LRRC8D: variants seen among roughly 807,000 people sequenced by gnomAD.
The protein encoded by LRRC8D is volume-regulated anion channel subunit LRRC8D.
Under a neutral mutation model 55.8 loss-of-function variants are expected in LRRC8D, and 20 were observed. The ratio of observed to expected loss-of-function variants is 0.36; its 90% confidence interval spans 0.25 to 0.52. The LOEUF (loss-of-function observed/expected upper bound fraction) is 0.52, where lower values mean the gene tolerates loss of function less well. Among genes scored for constraint, LRRC8D ranks in the 20% least tolerant of loss-of-function variants. LRRC8D has a pLI of 0.93. For missense variants in LRRC8D, 651 were observed against 1,030.8 expected, an observed-to-expected ratio of 0.63 and a Z score of 5.05; for synonymous variants, 352 against 377.0, an observed-to-expected ratio of 0.93 and a Z score of 0.77.
Position 89,934,247 on chromosome 1 carries a change from G to A in LRRC8D, c.1179G>A (p.Lys393=), listed in dbSNP as rs1302085636. The part of the protein sequence containing the change: ...TLFWLFRIPL[K]EYSFEKVREE... ...TCTGGTTATTCAGGATACCTTTGAA[G>A]GAATATTCTTTCGAAAAAGTCAGAG... The change falls in exon 3 of 3, where the codon AAG becomes AAA. Residue 393 remains lysine (K), a synonymous_variant. Transcript: ENST00000337338. The surrounding 1 kb of genome is among the most constrained non-coding windows in gnomAD (Gnocchi z 5.9). 6.2e-7 allele frequency: 1 copy of A among 1,614,122 alleles called. No homozygotes were observed. Among genetic ancestry groups the A allele is most frequent in the Non-Finnish European group, 8.5e-7 (1 of 1,180,008 alleles).
intron 2 of LRRC8D, among the ~76,000 whole-genome samples, chr1:89,902,235 A>T (rs912506933): frequency 2.6e-5 from 4 of 152,266 alleles, no homozygotes; most frequent in Non-Finnish European, 5.9e-5. Flanking sequence ...AGGGACCTTG[A>T]AGAGAAGATG....
chr1:89,896,299 A>T (rs952627551), intron 2 of LRRC8D, among the ~76,000 whole-genome samples: 11 of 152,126 alleles, frequency 7.2e-5, no homozygotes, highest in African/African-American at 2.2e-4. Flanking sequence ...GAGGGGTCGT[A>T]AACTTTGGTT....
In LRRC8D at chr1:89,829,542, T is replaced by C. The variant is rs550201143; in HGVS notation, c.-148+8251T>C. 2.0e-5 allele frequency among the ~76,000 whole-genome samples: 3 copies of C among 152,336 alleles called. No homozygotes were observed. The East Asian group carries it at 5.8e-4, about 29-fold the overall frequency. On this transcript the variant is annotated intron_variant, in intron 1 of 2. Coordinates refer to ENST00000337338, the MANE Select transcript of LRRC8D (RefSeq NM_001134479.2). ...CTATTCTCTTATCTACTGTACCCTTTCTCATTTCTGCACATTTCTTTGTAT... is the reference window on the plus strand; with the variant it reads ...CTATTCTCTTATCTACTGTACCCTTCCTCATTTCTGCACATTTCTTTGTAT...
Position 89,934,855 on chromosome 1 carries a change from A to C in LRRC8D, c.1787A>C (p.Lys596Thr). The change falls in exon 3 of 3, where the codon AAG (lysine) becomes ACG (threonine). Residue 596 changes from lysine to threonine, a missense_variant. Lys to Thr is a moderately conservative substitution (Grantham distance 78, BLOSUM62 -1). Around this residue, in one of 5 missense-constraint regions of LRRC8D, gnomAD observed 338 missense variants for 479.4 expected, o/e 0.71. Transcript: ENST00000337338. The surrounding 1 kb of genome is among the most constrained non-coding windows in gnomAD (Gnocchi z 5.9). Reference protein sequence around the residue: ...ELRHLKILHVKSNLTKVPSNI... With the variant: ...ELRHLKILHVTSNLTKVPSNI... ...CGGCACCTTAAGATTCTCCACGTGAAGAGCAATTTGACCAAAGTTCCCTCC... is the reference window on the plus strand; with the variant it reads ...CGGCACCTTAAGATTCTCCACGTGACGAGCAATTTGACCAAAGTTCCCTCC... 6.2e-7 allele frequency: 1 copy of C among 1,614,180 alleles called. No individual in the cohort carries two copies. The highest frequency in any genetic ancestry group is 2.2e-5 in the East Asian group (1 of 44,884).
intron 2 of LRRC8D, among the ~76,000 whole-genome samples, chr1:89,868,211 T>A (rs1661901038): frequency 6.6e-6 from 1 of 152,216 alleles, no homozygotes; most frequent in Admixed American, 6.5e-5. Flanking sequence ...GTTTGGTGTC[T>A]GGCACAAAAT....
chr1:89,876,789 A>G (rs911936791), intron 2 of LRRC8D, among the ~76,000 whole-genome samples: 1 of 152,220 alleles, frequency 6.6e-6, no homozygotes, highest in African/African-American at 2.4e-5. Flanking sequence ...TACAAAGACT[A>G]TACTGCCTCC....
rs373688711 is a variant in LRRC8D at position 89,858,085 on chromosome 1, C to T, written c.-3+14303C>T. ...CTCTACTAAAAATACAAAAATTAGCCGGGCGTGGTGGCAAGCACCTGTAGT... is the reference window on the plus strand; with the variant it reads ...CTCTACTAAAAATACAAAAATTAGCTGGGCGTGGTGGCAAGCACCTGTAGT... On this transcript the variant is annotated intron_variant, in intron 2 of 2. Coordinates refer to ENST00000337338, the MANE Select transcript of LRRC8D (RefSeq NM_001134479.2). Among the ~76,000 whole-genome samples, 765 of 152,144 alleles carry T rather than the reference C, an allele frequency of 5.0e-3. 8 individuals are homozygous for T. The highest frequency in any genetic ancestry group is 0.018 in the African/African-American group (733 of 41,512).
At chr1:89,829,540 T>G (rs1001391308) in intron 1 of LRRC8D, among the ~76,000 whole-genome samples, 2 of 152,240 alleles carry the variant, frequency 1.3e-5, no homozygotes, top group Admixed American at 1.3e-4. Context: ...TACTGTACCC[T>G]TTCTCATTTC....
intron 2 of LRRC8D, among the ~76,000 whole-genome samples, chr1:89,860,993 T>C (rs1342645127): frequency 6.6e-6 from 1 of 151,880 alleles, no homozygotes; most frequent in Non-Finnish European, 1.5e-5. Flanking sequence ...TTTAGGTTAA[T>C]GCAAGGAACA....
At chr1:89,903,259 A>G (rs1249043428) in intron 2 of LRRC8D, among the ~76,000 whole-genome samples, 5 of 152,188 alleles carry the variant, frequency 3.3e-5, no homozygotes, top group African/African-American at 1.2e-4. Context: ...AGCACTCTCC[A>G]TTTGAGTTGT....
At chr1:89,915,333 A>G (rs1663239288) in intron 2 of LRRC8D, among the ~76,000 whole-genome samples, 1 of 152,346 alleles carries the variant, frequency 6.6e-6, no homozygotes, top group Admixed American at 6.5e-5. Flanking sequence ...AGACAATCCT[A>G]CAATTACAGT....
intron 2 of LRRC8D, among the ~76,000 whole-genome samples, chr1:89,847,658 AT>A (rs1173420497): frequency 3.3e-5 from 5 of 152,244 alleles, no homozygotes; most frequent in Admixed American, 6.5e-5. Context: ...CACGTATATT[AT>A]AAAGTAAAAA....
intron 2 of LRRC8D, among the ~76,000 whole-genome samples, chr1:89,882,977 C>T (rs528053274): frequency 9.2e-5 from 14 of 152,208 alleles, no homozygotes; most frequent in Admixed American, 5.2e-4. Flanking sequence ...GTGGATGGGG[C>T]TTCAACTGCC....
intron 2 of LRRC8D, among the ~76,000 whole-genome samples, chr1:89,891,951 T>C (rs1662588983): frequency 6.6e-6 from 1 of 152,236 alleles, no homozygotes; most frequent in African/African-American, 2.4e-5. Context: ...TACTAGACTT[T>C]GGTCTCTTAT....
intron 2 of LRRC8D, among the ~76,000 whole-genome samples, chr1:89,860,785 A>AATATATATATATATATAT (rs35932362): frequency 5.3e-4 from 15 of 28,198 alleles, no homozygotes; most frequent in African/African-American, 1.0e-3. Context: ...AAAAAAAAAA[A>AATATATATATATATATAT]ATATATATAT....
At chr1:89,923,080 T>C (rs1663464616) in intron 2 of LRRC8D, among the ~76,000 whole-genome samples, 1 of 152,208 alleles carries the variant, frequency 6.6e-6, no homozygotes, top group Admixed American at 6.5e-5. Flanking sequence ...TCAGATTTAG[T>C]TTTGTTCAAC....
chr1:89,914,808 C>G (rs1663220549), intron 2 of LRRC8D, among the ~76,000 whole-genome samples: 2 of 151,888 alleles, frequency 1.3e-5, no homozygotes, highest in Admixed American at 1.3e-4. Context: ...AACTCCTGGG[C>G]TCAAGCAATC....
At chr1:89,823,538 C>G (rs887472865) in intron 1 of LRRC8D, among the ~76,000 whole-genome samples, 39 of 152,124 alleles carry the variant, frequency 2.6e-4, no homozygotes, top group African/African-American at 9.2e-4. Flanking sequence ...CTATTAAAGT[C>G]AAAAGTTTGT....
At chr1:89,867,105 A>T (rs1012855979) in intron 2 of LRRC8D, among the ~76,000 whole-genome samples, 3 of 152,180 alleles carry the variant, frequency 2.0e-5, no homozygotes, top group Non-Finnish European at 4.4e-5. Flanking sequence ...GACCATTACC[A>T]CATCAATTTT....
Sources: gnomAD v4.1 joint callset for allele counts (sites outside exome capture counted in the v4.1 genomes callset) on GRCh38, gnomAD v4.1.1 for gene constraint, gnomAD v4.1.1 regional missense constraint, Gnocchi (gnomAD v3.1) non-coding constraint, MANE v1.5 for transcripts, NCBI Gene and HGNC (gene_info 2026-07-23, HGNC 2026-07-21) for gene names.